Variants in MED27 observed in about 807,000 individuals in gnomAD.
MED27 encodes the protein mediator complex subunit 27.
Under a neutral mutation model 38.2 loss-of-function variants are expected in MED27, and 30 were observed. That is an observed-to-expected ratio of 0.79 (90% CI 0.59 to 1.07). The LOEUF is 1.07. Among genes scored for constraint, MED27 ranks in the 50% least tolerant of loss-of-function variants. The pLI, the probability that MED27 is intolerant of heterozygous loss-of-function variation, is 0.00. For missense variants in MED27, 289 were observed against 397.5 expected, an observed-to-expected ratio of 0.73 and a Z score of 2.32; for synonymous variants, 122 against 153.5, an observed-to-expected ratio of 0.79 and a Z score of 1.52.
chr9:131,890,805 G>A (rs929691711), intron 5 of MED27, among the ~76,000 whole-genome samples: 1 of 152,200 alleles, frequency 6.6e-6, no homozygotes, highest in Non-Finnish European at 1.5e-5. Context: ...TTCTCCATGT[G>A]TAAGATGAGT....
chr9:132,075,564 G>A lies in MED27; in HGVS notation c.348+1878C>T, dbSNP rs181279131. On this transcript the variant is annotated intron_variant, in intron 2 of 7. Coordinates refer to ENST00000292035, the MANE Select transcript of MED27 (RefSeq NM_004269.4). ...CTATTTTCCACTGTGGGGCAAGGGT[G>A]GGGGTTGAAGTAGGAACTTCTAATA... Among the ~76,000 whole-genome samples, 14 of 152,294 alleles carry A rather than the reference G, an allele frequency of 9.2e-5. 1 individual carries two copies. In the East Asian group the frequency reaches 2.7e-3, roughly 29 times the overall value.
At chr9:132,023,962 T>C (rs1459830656) in intron 2 of MED27, among the ~76,000 whole-genome samples, 4 of 152,100 alleles carry the variant, frequency 2.6e-5, no homozygotes, top group African/African-American at 9.7e-5. Flanking sequence ...GAACAAGGCG[T>C]GGTGGCTCAG....
rs374597552 is a variant in MED27 at position 132,053,992 on chromosome 9, T to C, written c.348+23450A>G. Among the ~76,000 whole-genome samples the C allele has an allele frequency of 4.9e-4, 75 of 151,800 alleles. 1 individual carries two copies. In the South Asian group the frequency reaches 0.015, roughly 30 times the overall value. On this transcript the variant is annotated intron_variant, in intron 2 of 7. Coordinates refer to ENST00000292035, the MANE Select transcript of MED27 (RefSeq NM_004269.4). ...AAATTTCCTTCTTAAAACAAATGTA[T>C]TCAGAAAAAAAAAATCTGCTTAAAA...
intron 3 of MED27, among the ~76,000 whole-genome samples, chr9:131,951,670 C>A (rs1413367659): frequency 6.6e-6 from 1 of 152,210 alleles, no homozygotes; most frequent in Non-Finnish European, 1.5e-5. Flanking sequence ...AAGGAGTGAA[C>A]ACAGCACATA....
chr9:131,947,149 A>C (rs563060402), intron 3 of MED27, among the ~76,000 whole-genome samples: 6 of 152,300 alleles, frequency 3.9e-5, no homozygotes, highest in African/African-American at 9.6e-5. Context: ...CGGAGACCCA[A>C]ATTAGGCCAT....
chr9:131,963,595 T>C (rs1415090929), intron 3 of MED27, among the ~76,000 whole-genome samples: 2 of 152,216 alleles, frequency 1.3e-5, no homozygotes, highest in Non-Finnish European at 2.9e-5. Context: ...AGGTTTCAGA[T>C]CCTTCATGCC....
chr9:132,014,309 A>T (rs755793899), intron 3 of MED27, 28 bp downstream of exon 3: 10 of 1,603,238 alleles, frequency 6.2e-6, no homozygotes, highest in Non-Finnish European at 8.5e-6. Flanking sequence ...ACCCAGTACT[A>T]AAGTAATTTT....
intron 2 of MED27, among the ~76,000 whole-genome samples, chr9:132,032,483 T>C (rs938912399): frequency 3.3e-5 from 5 of 152,214 alleles, no homozygotes; most frequent in Non-Finnish European, 5.9e-5. Flanking sequence ...TGAAAATAGT[T>C]ACACAGTTTC....
chr9:132,046,194 A>G (rs1195364775), intron 2 of MED27, among the ~76,000 whole-genome samples: 1 of 152,386 alleles, frequency 6.6e-6, no homozygotes, highest in African/African-American at 2.4e-5. Context: ...ATATACAGGC[A>G]AAAGTTCAAC....
Position 131,864,172 on chromosome 9 carries a change from G to A in MED27, c.724-1032C>T, listed in dbSNP as rs1317693504. ...GTCCTCATTAGGGATTCTTGACATC[G>A]CACATGTCATCATTAAAAACAAAAC... On this transcript the variant is annotated intron_variant, in intron 6 of 7. Coordinates refer to ENST00000292035, the MANE Select transcript of MED27 (RefSeq NM_004269.4). Among the ~76,000 whole-genome samples, 7 of 152,236 alleles carry A rather than the reference G, an allele frequency of 4.6e-5. No homozygotes were observed. In the South Asian group the frequency reaches 1.0e-3, roughly 23 times the overall value.
chr9:132,039,020 T>C (rs753471566), intron 2 of MED27, among the ~76,000 whole-genome samples: 3 of 152,246 alleles, frequency 2.0e-5, no homozygotes, highest in African/African-American at 4.8e-5. Context: ...CCTGGTTTCA[T>C]TATGGCTTCA....
rs1396696174 is a variant in MED27 at position 131,913,754 on chromosome 9, C to G, written c.574-19762G>C. On this transcript the variant is annotated intron_variant, in intron 4 of 7. Coordinates refer to ENST00000292035, the MANE Select transcript of MED27 (RefSeq NM_004269.4). This position sits in a 1 kb window ranked among gnomAD's most constrained non-coding sequence, Gnocchi z 4.5. ...ACTCCATCTGAACCAGATACCCGAG[C>G]CTGCCTCCCGCTTTACCCCATCAAT... 6.6e-6 allele frequency among the ~76,000 whole-genome samples: 1 copy of G among 152,154 alleles called. No individual in the cohort carries two copies. The highest frequency in any genetic ancestry group is 2.1e-4 in the South Asian group (1 of 4,832).
chr9:131,868,638 C>A, intron 6 of MED27: 8 of 985,490 alleles, frequency 8.1e-6, no homozygotes, highest in Non-Finnish European at 9.6e-6. Flanking sequence ...GGAAGATGCA[C>A]ATAGTGGGTG....
chr9:131,928,619 A>G (rs1205695933), intron 4 of MED27, among the ~76,000 whole-genome samples: 1 of 152,178 alleles, frequency 6.6e-6, no homozygotes, highest in Non-Finnish European at 1.5e-5. Context: ...CACAGTGGAG[A>G]GTAAAGCCAT....
chr9:132,000,774 T>TG (rs1832212334), intron 3 of MED27, among the ~76,000 whole-genome samples: 1 of 151,150 alleles, frequency 6.6e-6, no homozygotes, highest in Non-Finnish European at 1.5e-5. Context: ...TTTTTAGAGA[T>TG]GGGGTCTCAC....
At chr9:131,900,858 C>T (rs576980631) in intron 4 of MED27, among the ~76,000 whole-genome samples, 12 of 151,622 alleles carry the variant, frequency 7.9e-5, no homozygotes, top group African/African-American at 1.7e-4. Context: ...GATATGTAGG[C>T]GCCCTTAAGG....
At chr9:132,008,395 C>G (rs903592068) in intron 3 of MED27, among the ~76,000 whole-genome samples, 1 of 152,192 alleles carries the variant, frequency 6.6e-6, no homozygotes, top group Admixed American at 6.5e-5. Flanking sequence ...AGCCTCTTTA[C>G]GGAAACGATA....
At chr9:132,039,759 C>G (rs1418351890) in intron 2 of MED27, among the ~76,000 whole-genome samples, 1 of 152,210 alleles carries the variant, frequency 6.6e-6, no homozygotes, top group Non-Finnish European at 1.5e-5. Context: ...TTAACCGCCA[C>G]TGTGTGCTCC....
intron 4 of MED27, among the ~76,000 whole-genome samples, chr9:131,905,728 CAGAAAA>C (rs201618276): frequency 0.7 from 79,118 of 112,400 alleles, 29,114 homozygotes; most frequent in Middle Eastern, 0.77. Flanking sequence ...AAAAAAAAAA[CAGAAAA>C]AGAAAAAGAA....
Sources: allele counts gnomAD v4.1 joint callset (sites outside exome capture counted in the v4.1 genomes callset), GRCh38; gene constraint gnomAD v4.1.1; non-coding constraint Gnocchi (gnomAD v3.1); transcripts MANE v1.5; gene names NCBI Gene and HGNC (gene_info 2026-07-23, HGNC 2026-07-21).